The following ATP5PD variants were observed in gnomAD, a reference collection of about 807,000 sequenced individuals.
ATP5PD encodes the protein ATP synthase peripheral stalk subunit d, mitochondrial.
ATP5PD carries 13 observed loss-of-function variants against 22.6 expected under a neutral mutation model. That is an observed-to-expected ratio of 0.58 (90% CI 0.37 to 0.91). The LOEUF (loss-of-function observed/expected upper bound fraction) is 0.91, where lower values mean the gene tolerates loss of function less well. ATP5PD is among the 40% of genes least tolerant of loss of function. ATP5PD has a pLI of 0.00. For synonymous variants in ATP5PD, 51 were observed against 65.0 expected (o/e 0.79, Z 1.03); for missense variants, 165 against 188.0 (o/e 0.88, Z 0.72).
intron 3 of ATP5PD, chr17:75,041,397 G>C (rs1237643034): frequency 7.0e-6 from 1 of 142,248 alleles, no homozygotes; most frequent in African/African-American, 2.7e-5. Context: ...GATTGCCTGA[G>C]CCCAGAGTTT....
At chr17:75,042,768 T>A (rs2073173829) in intron 1 of ATP5PD, 109 bp from the exon 2 acceptor site, 2 of 1,160,868 alleles carry the variant, frequency 1.7e-6, no homozygotes, top group African/African-American at 3.1e-5. Context: ...CTTTAAATCT[T>A]AGAAACATGC....
At chr17:75,046,808 C>G (rs968517414) in intron 1 of ATP5PD, 117 bp downstream of exon 1, 1 of 152,432 alleles carries the variant, frequency 6.6e-6, no homozygotes, top group Non-Finnish European at 1.5e-5. Context: ...GCCAGCGGGG[C>G]AAGCCGAGGG....
intron 3 of ATP5PD, 134 bp downstream of exon 3, chr17:75,042,047 C>T: frequency 1.4e-6 from 1 of 702,866 alleles, no homozygotes; most frequent in Non-Finnish European, 2.4e-6. Context: ...GACCACAAGG[C>T]CTTTGGCCAT....
intron 4 of ATP5PD, 191 bp downstream of exon 4, chr17:75,039,896 CTTCTT>C: frequency 1.6e-6 from 1 of 639,768 alleles, no homozygotes. Context: ...ATGCTATACT[CTTCTT>C]TTTCTTGTTG....
At position 75,039,077 on chromosome 17, in the gene ATP5PD, G is replaced by GA. The variant is rs1567986524; in HGVS notation, c.355-15dup. The GA allele has an allele frequency of 3.7e-6, 6 of 1,613,798 alleles. No homozygotes were observed. Among genetic ancestry groups the GA allele is most frequent in the East Asian group, 2.2e-5 (1 of 44,884 alleles). On this transcript the variant is annotated splice_polypyrimidine_tract_variant and intron_variant, in intron 5 of 5. Coordinates refer to ENST00000301587, the MANE Select transcript of ATP5PD (RefSeq NM_006356.3). Reference sequence around the variant, plus strand: ...CATCTTCTCCATCTGGAAAGAGGGGGAATGTGTTTAGTTAATGTAAACAGA... The same window carrying GA: ...CATCTTCTCCATCTGGAAAGAGGGGGAAATGTGTTTAGTTAATGTAAACAGA...
At chr17:75,043,873 TAA>T (rs1045507052) in intron 1 of ATP5PD, among the ~76,000 whole-genome samples, 14 of 152,104 alleles carry the variant, frequency 9.2e-5, no homozygotes, top group African/African-American at 3.4e-4. Context: ...AGAGGGCTGC[TAA>T]AAGTGTCACA....
chr17:75,039,970 A>G, intron 4 of ATP5PD, 122 bp downstream of exon 4: 1 of 1,011,754 alleles, frequency 9.9e-7, no homozygotes, highest in Non-Finnish European at 1.5e-6. Flanking sequence ...ATTTATTGAC[A>G]AGTCATTCCT....
chr17:75,042,060 G>T (rs548042479), intron 3 of ATP5PD, 121 bp downstream of exon 3: 1 of 813,910 alleles, frequency 1.2e-6, no homozygotes, highest in Non-Finnish European at 1.9e-6. Context: ...TTGGCCATAC[G>T]CATCCTTCCT....
chr17:75,042,376 C>T, intron 2 of ATP5PD, 99 bp from the exon 3 acceptor site: 1 of 1,494,366 alleles, frequency 6.7e-7, no homozygotes, highest in Non-Finnish European at 9.2e-7. Context: ...TGGAGGGTCA[C>T]CACACTTTCC....
intron 1 of ATP5PD, among the ~76,000 whole-genome samples, chr17:75,046,618 T>G (rs986702641): frequency 3.9e-5 from 6 of 152,048 alleles, no homozygotes; most frequent in African/African-American, 1.4e-4. Flanking sequence ...GTTTCCCCAG[T>G]CCCCCCACCA....
chr17:75,039,646 A>G, intron 4 of ATP5PD: 1 of 282,220 alleles, frequency 3.5e-6, no homozygotes, highest in Non-Finnish European at 6.7e-6. Context: ...CAGTGCTTTC[A>G]AGCAAATAAT....
Position 75,038,965 on chromosome 17 carries a change from G to A in ATP5PD, c.453C>T (p.Pro151=). Reference sequence around the variant, plus strand: ...TCTCAATTGGTTGGTGAGGCCAATAGGGATACTTTTTCTTGTCTAATTTGG... The same window carrying A: ...TCTCAATTGGTTGGTGAGGCCAATAAGGATACTTTTTCTTGTCTAATTTGG... ...PETKLDKKKY[P]YWPHQPIENL The change falls in exon 6 of 6, where the codon CCC becomes CCT. Residue 151 remains proline, a synonymous_variant. Transcript: ENST00000301587. 1 of 1,614,106 alleles carries A rather than the reference G, an allele frequency of 6.2e-7. No individual in the cohort carries two copies. The highest frequency in any genetic ancestry group is 8.5e-7 in the Non-Finnish European group (1 of 1,179,974).
chr17:75,045,837 G>A (rs1366137670), intron 1 of ATP5PD, among the ~76,000 whole-genome samples: 2 of 152,184 alleles, frequency 1.3e-5, no homozygotes, highest in African/African-American at 4.8e-5. Context: ...AGACAAGACA[G>A]GCATAGGAAA....
intron 1 of ATP5PD, among the ~76,000 whole-genome samples, chr17:75,045,378 A>T (rs1468568161): frequency 1.3e-5 from 2 of 152,192 alleles, no homozygotes; most frequent in Non-Finnish European, 2.9e-5. Flanking sequence ...GGGTTTTCAG[A>T]TCAACCGGTC....
At chr17:75,043,471 G>A (rs1031436562) in intron 1 of ATP5PD, among the ~76,000 whole-genome samples, 5 of 152,022 alleles carry the variant, frequency 3.3e-5, no homozygotes, top group African/African-American at 1.2e-4. Flanking sequence ...AAATTAGCCG[G>A]GCGTGATGGC....
rs2073136549 is a variant in ATP5PD, at chr17:75,039,507, G to A, written c.292-236C>T. On this transcript the variant is annotated intron_variant, in intron 4 of 5. Coordinates refer to ENST00000301587, the MANE Select transcript of ATP5PD (RefSeq NM_006356.3). ...TGGCAGCACCCGGCTGCTTCTGCAAGTTCCTCATCCGAAGACCTACAGAAT... is the reference window on the plus strand; with the variant it reads ...TGGCAGCACCCGGCTGCTTCTGCAAATTCCTCATCCGAAGACCTACAGAAT... The A allele has an allele frequency of 5.8e-6, 3 of 516,766 alleles. 1 individual carries two copies. The South Asian group carries it at 7.1e-5, about 12-fold the overall frequency. 32.0% of individuals were successfully genotyped at this position (516,766 alleles called of 1,614,324 possible).
At chr17:75,046,752 G>A (rs1438453657) in intron 1 of ATP5PD, among the ~76,000 whole-genome samples, 173 bp downstream of exon 1, 4 of 152,238 alleles carry the variant, frequency 2.6e-5, no homozygotes, top group African/African-American at 7.2e-5. Context: ...GAGGGCTGAG[G>A]AAGGGATCGC....
chr17:75,040,459 C>G (rs554566500), intron 3 of ATP5PD: 2 of 411,020 alleles, frequency 4.9e-6, no homozygotes, highest in East Asian at 9.2e-5. Context: ...AAAAGGACAG[C>G]TGGACTTGAT....
Position 75,039,277 on chromosome 17 carries a change from A to G in ATP5PD, c.292-6T>C, listed in dbSNP as rs761540914. 6 of 1,613,964 alleles carry G rather than the reference A, an allele frequency of 3.7e-6. No individual in the cohort carries two copies. Among genetic ancestry groups the G allele is most frequent in the Non-Finnish European group, 5.1e-6 (6 of 1,179,910 alleles). ...CACTCAGCACAAGATTTCACCTTTA[A>G]GAAGAAAGAGAAATTCAGTTCTGAA... On this transcript the variant is annotated splice_region_variant and splice_polypyrimidine_tract_variant and intron_variant, in intron 4 of 5. Transcript: ENST00000301587.
Sources: gnomAD v4.1 joint callset for allele counts (sites outside exome capture counted in the v4.1 genomes callset) on GRCh38, gnomAD v4.1.1 for gene constraint, MANE v1.5 for transcripts, NCBI Gene and HGNC (gene_info 2026-07-23, HGNC 2026-07-21) for gene names.